Variants in CDCP2 observed in about 807,000 individuals in gnomAD.
The protein encoded by CDCP2 is CUB domain containing protein 2.
CDCP2 carries 31 observed loss-of-function variants against 31.0 expected under a neutral mutation model. The ratio of observed to expected loss-of-function variants is 1.00; its 90% CI spans 0.75 to 1.35. CDCP2 has a LOEUF of 1.35. CDCP2 is among the 40% of genes most tolerant of loss of function. The pLI is 0.00. For missense variants in CDCP2, 443 were observed against 482.6 expected (o/e 0.92, Z 0.77); for synonymous variants, 206 against 207.9 (o/e 0.99, Z 0.08).
At chr1:54,133,343 C>T (rs1659198500) in intron 5 of CDCP2, 49 bp from the exon 6 acceptor site, 1 of 398,704 alleles carries the variant, frequency 2.5e-6, no homozygotes, top group Admixed American at 4.4e-5. Flanking sequence ...TTGGGCTGAA[C>T]TTGTTTCCCT....
chr1:54,149,569 G>A lies in CDCP2; in HGVS notation c.79+3275C>T, dbSNP rs144642390. Among the ~76,000 whole-genome samples, 173 of 152,280 alleles carry A rather than the reference G, an allele frequency of 1.1e-3. 3 individuals carry two copies. Among genetic ancestry groups the A allele is most frequent in the African/African-American group, 3.8e-3 (157 of 41,554 alleles). ...GCACATCCCTGGTCACCTTCTCAGC[G>A]AGGCCTTCCCTAACCACCTGATTTA... On this transcript the variant is annotated intron_variant, in intron 1 of 5. Coordinates refer to ENST00000530059, the Ensembl canonical transcript of CDCP2.
intron 1 of CDCP2, among the ~76,000 whole-genome samples, chr1:54,151,875 T>G (rs1570074713): frequency 6.6e-6 from 1 of 150,770 alleles, no homozygotes; most frequent in East Asian, 2.0e-4. Flanking sequence ...ACGGAGGGAG[T>G]GGTATTTGAT....
intron 4 of CDCP2, chr1:54,139,353 C>T (rs947570415): frequency 2.8e-5 from 17 of 611,946 alleles, no homozygotes; most frequent in Non-Finnish European, 4.6e-5. Context: ...CTGAATGATA[C>T]AAGCAGGGCT....
At chr1:54,133,820 C>T (rs1408679265) in intron 5 of CDCP2, among the ~76,000 whole-genome samples, 2 of 151,454 alleles carry the variant, frequency 1.3e-5, no homozygotes, top group African/African-American at 2.4e-5. Flanking sequence ...GGCATGAACC[C>T]GGGAGGTGGA....
chr1:54,142,677 A>C (rs1364120781), intron 2 of CDCP2: 1 of 152,210 alleles, frequency 6.6e-6, no homozygotes, highest in Non-Finnish European at 1.5e-5. Flanking sequence ...GTCTTTTCCC[A>C]GTGCTGGCCC....
chr1:54,139,645 T>TGCG (rs1553173737), intron 4 of CDCP2, 108 bp downstream of exon 4: 5 of 1,534,442 alleles, frequency 3.3e-6, no homozygotes, highest in Non-Finnish European at 4.4e-6. Flanking sequence ...AGACCATTCA[T>TGCG]GGGGGGGGCA....
rs764230646 is a variant in CDCP2, at chr1:54,144,720, C to T, written c.173G>A (p.Trp58Ter). The change falls in exon 2 of 6, where the codon TGG becomes TAG. Residue 58 changes from tryptophan (W) to a stop codon, truncating the protein, a stop_gained. Transcript: ENST00000530059. LOFTEE classifies it high-confidence loss of function. ...GGATCCCTCGGCCACCACGATCAGC[C>T]AGCTGCACTCTGTGTTGTAGGGGTA... 2 of 1,614,232 alleles carry T rather than the reference C, an allele frequency of 1.2e-6. No individual in the cohort carries two copies. The highest frequency in any genetic ancestry group is 1.7e-5 in the Admixed American group (1 of 60,020).
At position 54,139,745 on chromosome 1, in the gene CDCP2, C is replaced by T; in HGVS notation, c.1117+8G>A. On this transcript the variant is annotated splice_region_variant and intron_variant, in intron 4 of 5. Transcript: ENST00000530059. The stretch of plus-strand genomic sequence containing the variant: ...CCTCAGTGGACCCACTCCCACAGCC[C>T]AGCTGACCTCCGATGTAGGCCACAG... 2.5e-6 allele frequency: 4 copies of T among 1,614,214 alleles called. No homozygotes were observed. Among genetic ancestry groups the T allele is most frequent in the Middle Eastern group, 1.6e-4 (1 of 6,062 alleles).
chr1:54,139,469 C>G (rs935762573), intron 4 of CDCP2: 2 of 1,453,402 alleles, frequency 1.4e-6, no homozygotes, highest in Non-Finnish European at 1.9e-6. Flanking sequence ...CAAGAGGGGC[C>G]AGGGGCCCAG....
intron 2 of CDCP2, chr1:54,142,188 C>T (rs1290117309): frequency 6.6e-6 from 1 of 152,252 alleles, no homozygotes; most frequent in East Asian, 1.9e-4. Flanking sequence ...GTGACCTTCA[C>T]TGTCCACTCC....
chr1:54,141,050 G>A, intron 3 of CDCP2, 48 bp downstream of exon 3: 2 of 1,461,910 alleles, frequency 1.4e-6, no homozygotes, highest in Non-Finnish European at 1.8e-6. Context: ...GGAGACAGGA[G>A]CCCAGTAGGC....
At position 54,139,179 on chromosome 1, in the gene CDCP2, C is replaced by T. The variant is rs575845075; in HGVS notation, c.1117+574G>A. On this transcript the variant is annotated intron_variant, in intron 4 of 5. Coordinates refer to ENST00000530059, the Ensembl canonical transcript of CDCP2. ...TCCCCTCCAGTCTTGAACATGGATGCGATGCCTGGAGCTATGGCAGCCATC... is the reference window on the plus strand; with the variant it reads ...TCCCCTCCAGTCTTGAACATGGATGTGATGCCTGGAGCTATGGCAGCCATC... 2.0e-4 allele frequency: 47 copies of T among 239,664 alleles called. 1 individual carries two copies. The South Asian group carries it at 2.1e-3, about 11-fold the overall frequency. 14.8% of individuals were successfully genotyped at this position (239,664 alleles called of 1,614,324 possible). A position where few individuals can be genotyped will look rare whatever the true frequency, so the allele number is the denominator to read the frequency against.
chr1:54,133,622 T>G (rs371545245), intron 5 of CDCP2, among the ~76,000 whole-genome samples: 4 of 152,100 alleles, frequency 2.6e-5, no homozygotes, highest in Non-Finnish European at 4.4e-5. Flanking sequence ...TGTGGCCGGG[T>G]GCGGTGGCTC....
chr1:54,137,676 TGTGTGTGC>T, intron 4 of CDCP2: 1 of 124,044 alleles, frequency 8.1e-6, no homozygotes, highest in Non-Finnish European at 1.7e-5. Context: ...TGTGTGTGTG[TGTGTGTGC>T]GTGTGTGTGT....
chr1:54,139,282 C>T, intron 4 of CDCP2: 1 of 521,060 alleles, frequency 1.9e-6, no homozygotes, highest in Non-Finnish European at 3.4e-6. Context: ...ACAGCAGCTG[C>T]CTAGCTCCAG....
chr1:54,150,479 C>T (rs1659562038), intron 1 of CDCP2, among the ~76,000 whole-genome samples: 1 of 151,998 alleles, frequency 6.6e-6, no homozygotes, highest in Non-Finnish European at 1.5e-5. Flanking sequence ...TCTGTAATCC[C>T]AGCTACTCAG....
chr1:54,139,900 C>A, exon 4 of CDCP2: 1 of 1,614,198 alleles, frequency 6.2e-7, no homozygotes, highest in Non-Finnish European at 8.5e-7. Flanking sequence ...TCGCTGGCCC[C>A]ATCGAAGGCC....
chr1:54,134,487 G>A (rs1407065903), intron 5 of CDCP2, among the ~76,000 whole-genome samples: 1 of 152,206 alleles, frequency 6.6e-6, no homozygotes, highest in Non-Finnish European at 1.5e-5. Context: ...CAGTGATGCA[G>A]AACTACTCTC....
At chr1:54,142,282 CTT>C (rs1228160302) in intron 2 of CDCP2, 4 of 152,246 alleles carry the variant, frequency 2.6e-5, no homozygotes, top group Non-Finnish European at 5.9e-5. Context: ...GAAACCAAGA[CTT>C]AGAGAGAGGA....
Sources: gnomAD v4.1 joint callset for allele counts (sites outside exome capture counted in the v4.1 genomes callset) on GRCh38, gnomAD v4.1.1 for gene constraint, MANE v1.5 for transcripts, NCBI Gene and HGNC (gene_info 2026-07-23, HGNC 2026-07-21) for gene names.